The following LAMA1 variants were observed in gnomAD, a reference collection of about 807,000 sequenced individuals.
LAMA1 encodes laminin subunit alpha 1, also known as laminin subunit alpha-1.
Under a neutral mutation model 348.7 loss-of-function variants are expected in LAMA1, and 219 were observed. That is an observed-to-expected ratio of 0.63 (90% confidence interval 0.56 to 0.70). The LOEUF (loss-of-function observed/expected upper bound fraction) is 0.70, where lower values mean the gene tolerates loss of function less well. LAMA1 is among the 30% of genes least tolerant of loss of function. LAMA1 has a pLI of 0.00. For synonymous variants in LAMA1, 1,487 were observed against 1,491.0 expected (o/e 1.00, Z 0.06); for missense variants, 3,744 against 3,888.0 (o/e 0.96, Z 0.99).
chr18:6,974,197 G>C (rs561191679), intron 46 of LAMA1, among the ~76,000 whole-genome samples: 1 of 151,874 alleles, frequency 6.6e-6, no homozygotes, highest in African/African-American at 2.4e-5. Flanking sequence ...TTCTCCTGCA[G>C]TAAGAAAAAA....
chr18:7,083,078 A>G (rs1018526968), intron 1 of LAMA1, among the ~76,000 whole-genome samples: 1 of 152,134 alleles, frequency 6.6e-6, no homozygotes, highest in Non-Finnish European at 1.5e-5. Flanking sequence ...AACCTCATGA[A>G]CATAAATTTA....
intron 9 of LAMA1, 41 bp downstream of exon 9, chr18:7,042,104 A>C (rs749004296): frequency 2.2e-6 from 3 of 1,381,938 alleles, no homozygotes; most frequent in Non-Finnish European, 1.0e-6. Context: ...CCACACACAC[A>C]CAAAATCAAT....
At chr18:7,012,489 T>TTA (rs2057865545) in intron 23 of LAMA1, among the ~76,000 whole-genome samples, 1 of 131,506 alleles carries the variant, frequency 7.6e-6, no homozygotes, top group South Asian at 2.3e-4. Flanking sequence ...ATTATTATTA[T>TTA]TATTATTATA....
At position 6,988,642 on chromosome 18, in the gene LAMA1, T is replaced by C. The variant is rs191146982; in HGVS notation, c.5169-2295A>G. 2.4e-3 allele frequency among the ~76,000 whole-genome samples: 359 copies of C among 151,670 alleles called. 1 individual carries two copies. The highest frequency in any genetic ancestry group is 7.8e-3 in the African/African-American group (322 of 41,356). On this transcript the variant is annotated intron_variant, in intron 36 of 62. Coordinates refer to ENST00000389658, the MANE Select transcript of LAMA1 (RefSeq NM_005559.4). Reference sequence around the variant, plus strand: ...TGGTGAAACCCTGTCTCTACAAAAATACAAAATTACAAAAATTAGCCGGGC... The same window carrying C: ...TGGTGAAACCCTGTCTCTACAAAAACACAAAATTACAAAAATTAGCCGGGC...
chr18:7,077,302 C>T (rs1454326072), intron 3 of LAMA1, among the ~76,000 whole-genome samples: 1 of 150,630 alleles, frequency 6.6e-6, no homozygotes, highest in Non-Finnish European at 1.5e-5. Flanking sequence ...CCTGGGTTCA[C>T]GCCATTCTCC....
At chr18:6,971,269 AT>A (rs537766365) in intron 48 of LAMA1, among the ~76,000 whole-genome samples, 123 of 152,354 alleles carry the variant, frequency 8.1e-4, no homozygotes, top group Admixed American at 2.0e-3. Flanking sequence ...GAATGCCTTT[AT>A]ATCAATATAT....
intron 39 of LAMA1, among the ~76,000 whole-genome samples, chr18:6,984,981 T>C (rs1335417835): frequency 6.6e-6 from 1 of 152,240 alleles, no homozygotes; most frequent in South Asian, 2.1e-4. Context: ...ATGTGTTTTA[T>C]TATATTAATA....
chr18:6,942,600 G>C (rs2143957210), intron 62 of LAMA1, among the ~76,000 whole-genome samples: 1 of 152,050 alleles, frequency 6.6e-6, no homozygotes, highest in East Asian at 1.9e-4. Context: ...TTTTAGTAGA[G>C]AGAGGGTTTC....
At chr18:6,974,458 T>TC (rs2057672346) in intron 46 of LAMA1, among the ~76,000 whole-genome samples, 2 of 143,820 alleles carry the variant, frequency 1.4e-5, no homozygotes, top group Admixed American at 1.4e-4. Flanking sequence ...TTCTTTTCTT[T>TC]TTTTTTTTTT....
intron 35 of LAMA1, 139 bp from the exon 36 acceptor site, chr18:6,992,859 T>C: frequency 1.5e-6 from 1 of 678,842 alleles, no homozygotes; most frequent in Non-Finnish European, 2.6e-6. Context: ...CCAGGCCACC[T>C]GGCATATCCC....
intron 3 of LAMA1, among the ~76,000 whole-genome samples, chr18:7,065,673 G>C (rs890337476): frequency 6.6e-6 from 1 of 152,194 alleles, no homozygotes; most frequent in African/African-American, 2.4e-5. Flanking sequence ...ATTGCAGTGA[G>C]CTGAGATCGC....
intron 61 of LAMA1, among the ~76,000 whole-genome samples, chr18:6,943,738 G>A (rs557733516): frequency 6.6e-6 from 1 of 151,322 alleles, no homozygotes; most frequent in African/African-American, 2.4e-5. Context: ...AGCAACTCAG[G>A]AGGCTGAGGC....
Position 6,959,403 on chromosome 18 carries a change from G to A in LAMA1, c.7716C>T (p.His2572=), listed in dbSNP as rs73390532. 1.5e-3 allele frequency: 2,404 copies of A among 1,614,162 alleles called. 26 individuals carry two copies. The African/African-American group carries it at 0.027, about 18-fold the overall frequency. Residue 2572 remains histidine, a synonymous_variant, in exon 54 of 63, where the codon CAC becomes CAT. Transcript: ENST00000389658. The part of the protein sequence containing the change: ...DGTGLRKALL[H]APTGTCSDGQ... ...CATCACTGCAGGTACCCGTGGGAGC[G>A]TGCAGGAGAGCTTTTCTCAGGCCTG...
intron 44 of LAMA1, among the ~76,000 whole-genome samples, chr18:6,976,820 A>G (rs491940): frequency 0.2 from 30,496 of 151,592 alleles, 3,824 homozygotes; most frequent in African/African-American, 0.35. Flanking sequence ...ATGTTTCCTA[A>G]GCTCATCTCA....
chr18:7,068,421 C>T (rs1727204785), intron 3 of LAMA1, among the ~76,000 whole-genome samples: 1 of 152,172 alleles, frequency 6.6e-6, no homozygotes, highest in African/African-American at 2.4e-5. Flanking sequence ...TCTTGTTCAT[C>T]GATGAATCCT....
intron 1 of LAMA1, among the ~76,000 whole-genome samples, chr18:7,080,912 A>G (rs767716368): frequency 6.6e-6 from 1 of 152,226 alleles, no homozygotes; most frequent in Non-Finnish European, 1.5e-5. Flanking sequence ...GTTTAGGAGT[A>G]AAGTCTACTT....
In LAMA1 at chr18:6,980,467, G is replaced by C. The variant is rs903296722; in HGVS notation, c.6007+54C>G. 9 of 1,139,376 alleles carry C rather than the reference G, an allele frequency of 7.9e-6. No individual in the cohort carries two copies. The South Asian group carries it at 9.8e-5, about 12-fold the overall frequency. 70.6% of individuals were successfully genotyped at this position (1,139,376 alleles called of 1,614,324 possible). On this transcript the variant is annotated intron_variant, in intron 42 of 62. Coordinates refer to ENST00000389658, the MANE Select transcript of LAMA1 (RefSeq NM_005559.4). ...GCAGGACTTCCTTATGTTCCTGAGT[G>C]ATGCTTTTACAATGAGAAGACGTTA...
At chr18:6,957,633 G>A (rs996435079) in intron 55 of LAMA1, among the ~76,000 whole-genome samples, 1 of 152,182 alleles carries the variant, frequency 6.6e-6, no homozygotes, top group African/African-American at 2.4e-5. Context: ...TTCCTGGGCA[G>A]ATGCTGGTCC....
At chr18:7,032,879 C>T (rs1199363266) in intron 15 of LAMA1, 105 bp downstream of exon 15, 1 of 832,310 alleles carries the variant, frequency 1.2e-6, no homozygotes, top group East Asian at 2.7e-5. Flanking sequence ...AAACATTGGG[C>T]TGCTAAAGCT....
Sources: gnomAD v4.1 joint callset for allele counts (sites outside exome capture counted in the v4.1 genomes callset) on GRCh38, gnomAD v4.1.1 for gene constraint, MANE v1.5 for transcripts, NCBI Gene and HGNC (gene_info 2026-07-23, HGNC 2026-07-21) for gene names.